Variants in CCDC148 observed in about 807,000 individuals in gnomAD.
CCDC148 encodes coiled-coil domain containing 148.
In CCDC148, 89 loss-of-function variants were observed where a neutral mutation model predicts 85.7. The ratio of observed to expected loss-of-function variants is 1.04; its 90% confidence interval spans 0.87 to 1.24. The LOEUF (loss-of-function observed/expected upper bound fraction) is 1.24. Among genes scored for constraint, CCDC148 ranks in the 50% most tolerant of loss-of-function variants. The probability of loss-of-function intolerance (pLI) is 0.00; values close to 1 mark genes in which losing one functional copy is unlikely to be tolerated. For missense variants in CCDC148, 692 were observed against 671.7 expected (o/e 1.03, Z -0.33); for synonymous variants, 230 against 213.9 (o/e 1.08, Z -0.66).
intron 7 of CCDC148, 21 bp from the exon 8 acceptor site, chr2:158,313,915 A>G (rs1692160989): frequency 6.2e-7 from 1 of 1,607,388 alleles, no homozygotes; most frequent in Admixed American, 1.7e-5. Context: ...CAAAAATGTC[A>G]CAACATATTA....
chr2:158,332,135 T>C (rs1338265040), intron 7 of CCDC148, among the ~76,000 whole-genome samples: 4 of 152,158 alleles, frequency 2.6e-5, no homozygotes, highest in Non-Finnish European at 5.9e-5. Context: ...GTTTTTGCAG[T>C]GGCTGGTACT....
intron 1 of CCDC148, among the ~76,000 whole-genome samples, chr2:158,414,383 G>A (rs1197749720): frequency 6.6e-6 from 1 of 152,136 alleles, no homozygotes; most frequent in East Asian, 1.9e-4. Context: ...GGATCAGATA[G>A]GATCAGAGCT....
chr2:158,393,825 G>T (rs1021170027), intron 1 of CCDC148, among the ~76,000 whole-genome samples: 2 of 152,030 alleles, frequency 1.3e-5, no homozygotes, highest in African/African-American at 2.4e-5. Context: ...AAATAAATGG[G>T]TCTTTTCTCC....
intron 1 of CCDC148, among the ~76,000 whole-genome samples, chr2:158,420,897 C>T (rs1205721977): frequency 6.7e-6 from 1 of 150,262 alleles, no homozygotes; most frequent in Non-Finnish European, 1.5e-5. Flanking sequence ...GAAGATCTAC[C>T]AAGAAAATAG....
intron 11 of CCDC148, among the ~76,000 whole-genome samples, chr2:158,179,809 G>A (rs956986): frequency 0.35 from 53,563 of 152,004 alleles, 9,764 homozygotes; most frequent in South Asian, 0.58. Flanking sequence ...GTGCGTATGT[G>A]TGTTAAGCAA....
At chr2:158,217,764 CG>C (rs1558990679) in intron 11 of CCDC148, among the ~76,000 whole-genome samples, 2 of 152,058 alleles carry the variant, frequency 1.3e-5, no homozygotes, top group African/African-American at 4.8e-5. Context: ...AAGTAAATGA[CG>C]GAAGTTTTCA....
intron 7 of CCDC148, among the ~76,000 whole-genome samples, chr2:158,320,943 G>A (rs768095166): frequency 2.0e-5 from 3 of 152,072 alleles, no homozygotes; most frequent in East Asian, 1.9e-4. Context: ...TATTTAAGCC[G>A]CTATTCTTAA....
intron 1 of CCDC148, among the ~76,000 whole-genome samples, chr2:158,376,622 T>G (rs1475849132): frequency 6.6e-6 from 1 of 151,728 alleles, no homozygotes; most frequent in Non-Finnish European, 1.5e-5. Context: ...GATCTCCAGG[T>G]TAGGAAGTAA....
At chr2:158,355,481 T>G (rs1295087241) in intron 2 of CCDC148, among the ~76,000 whole-genome samples, 5 of 151,622 alleles carry the variant, frequency 3.3e-5, no homozygotes, top group South Asian at 2.1e-4. Context: ...CATTCACAAT[T>G]GCTTCAAAGA....
intron 11 of CCDC148, among the ~76,000 whole-genome samples, chr2:158,218,320 G>A (rs570000902): frequency 6.6e-6 from 1 of 152,246 alleles, no homozygotes; most frequent in African/African-American, 2.4e-5. Flanking sequence ...ATTTTCCCAA[G>A]GTCATATACA....
intron 11 of CCDC148, among the ~76,000 whole-genome samples, chr2:158,199,230 T>C (rs1357946941): frequency 6.6e-6 from 1 of 152,190 alleles, no homozygotes; most frequent in African/African-American, 2.4e-5. Context: ...ATATTGCTTT[T>C]TTAAATTTTA....
chr2:158,179,024 T>A (rs1460267411), intron 11 of CCDC148, 28 bp from the exon 12 acceptor site: 5 of 1,526,794 alleles, frequency 3.3e-6, no homozygotes, highest in Non-Finnish European at 4.5e-6. Flanking sequence ...AAGGAAGTTG[T>A]GGAAGCATCA....
At chr2:158,198,032 C>A (rs949493595) in intron 11 of CCDC148, among the ~76,000 whole-genome samples, 1 of 152,138 alleles carries the variant, frequency 6.6e-6, no homozygotes, top group African/African-American at 2.4e-5. Flanking sequence ...TCTATTTAAT[C>A]TTTTCTCTCA....
At chr2:158,257,330 T>G (rs1203517750) in intron 9 of CCDC148, among the ~76,000 whole-genome samples, 1 of 151,884 alleles carries the variant, frequency 6.6e-6, no homozygotes, top group African/African-American at 2.4e-5. Context: ...CCCTAAATGT[T>G]ACTATAAGCT....
intron 7 of CCDC148, among the ~76,000 whole-genome samples, chr2:158,337,388 T>C (rs1682444172): frequency 6.6e-6 from 1 of 152,158 alleles, no homozygotes; most frequent in African/African-American, 2.4e-5. Flanking sequence ...AAAAATCCTC[T>C]TCCTCTTTCT....
chr2:158,339,582 T>A (rs1442160770), intron 5 of CCDC148, among the ~76,000 whole-genome samples: 5 of 152,238 alleles, frequency 3.3e-5, no homozygotes, highest in Middle Eastern at 3.4e-3. Flanking sequence ...GTTGACAAAC[T>A]AATAAAAAAA....
At chr2:158,225,632 G>C (rs1687470650) in intron 10 of CCDC148, among the ~76,000 whole-genome samples, 1 of 152,194 alleles carries the variant, frequency 6.6e-6, no homozygotes, top group Admixed American at 6.5e-5. Context: ...AATCAAACTA[G>C]AACTCGGGAT....
intron 9 of CCDC148, among the ~76,000 whole-genome samples, chr2:158,292,611 T>G (rs1690947289): frequency 6.6e-6 from 1 of 152,138 alleles, no homozygotes; most frequent in Non-Finnish European, 1.5e-5. Context: ...ACTCACTGCC[T>G]AAAGTTTCCC....
intron 11 of CCDC148, among the ~76,000 whole-genome samples, chr2:158,203,467 A>G (rs1686073276): frequency 6.6e-6 from 1 of 152,112 alleles, no homozygotes; most frequent in African/African-American, 2.4e-5. Context: ...ACTCTTCTCC[A>G]CTATTAATGG....
Sources: gnomAD v4.1 joint callset for allele counts (sites outside exome capture counted in the v4.1 genomes callset) on GRCh38, gnomAD v4.1.1 for gene constraint, MANE v1.5 for transcripts, NCBI Gene and HGNC (gene_info 2026-07-23, HGNC 2026-07-21) for gene names.